Variants in RAI1 observed in about 807,000 individuals in gnomAD.
RAI1 encodes retinoic acid induced 1, also known as retinoic acid-induced protein 1.
RAI1 carries 9 observed loss-of-function variants against 123.8 expected under a neutral mutation model. The ratio of observed to expected loss-of-function variants is 0.07; its 90% CI spans 0.04 to 0.13. RAI1 has a LOEUF of 0.13. Ranked by LOEUF, RAI1 falls within the 10% of genes least tolerant of loss-of-function variation. The pLI, the probability that RAI1 is intolerant of heterozygous loss-of-function variation, is 1.00. For missense variants in RAI1, 2,256 were observed against 2,545.8 expected (o/e 0.89, Z 2.45); for synonymous variants, 1,231 against 1,127.3 (o/e 1.09, Z -1.84).
At chr17:17,790,917 G>GA (rs1341917583) in intron 2 of RAI1, among the ~76,000 whole-genome samples, 1 of 152,218 alleles carries the variant, frequency 6.6e-6, no homozygotes, top group Non-Finnish European at 1.5e-5. Context: ...TGCCAGACCA[G>GA]AACCAAGTGC....
intron 1 of RAI1, among the ~76,000 whole-genome samples, chr17:17,701,930 C>T (rs1915236254): frequency 6.6e-6 from 1 of 152,244 alleles, no homozygotes; most frequent in African/African-American, 2.4e-5. Context: ...CTCTGCCCTC[C>T]AAGGACTCCA....
chr17:17,724,661 C>A (rs1023677647), intron 2 of RAI1, among the ~76,000 whole-genome samples: 1 of 152,130 alleles, frequency 6.6e-6, no homozygotes, highest in African/African-American at 2.4e-5. Flanking sequence ...TCCGCGCGTC[C>A]GATCCTGCTC....
chr17:17,685,452 C>T lies in RAI1; in HGVS notation c.-149+3659C>T, dbSNP rs927610748. 3.9e-5 allele frequency among the ~76,000 whole-genome samples: 6 copies of T among 152,204 alleles called. No individual in the cohort carries two copies. The highest frequency in any genetic ancestry group is 1.4e-4 in the African/African-American group (6 of 41,432). On this transcript the variant is annotated intron_variant, in intron 1 of 5. Coordinates refer to ENST00000353383, the MANE Select transcript of RAI1 (RefSeq NM_030665.4). The surrounding 1 kb of genome is among the most constrained non-coding windows in gnomAD (Gnocchi z 4.0). ...GGCCTTTGAGCAGGTGCTTCAGGCA[C>T]GGCGAGGTAAGAGTGAGAGGAGCAT...
chr17:17,798,377 A>G lies in RAI1; in HGVS notation c.5429A>G (p.Glu1810Gly). ...DKGRKHECSK[E>G]APAEPGGEAQ... ...GGTCGCAAACATGAGTGCAGCAAGG[A>G]GGCTCCGGCAGAGCCCGGCGGGGAG... is the stretch of plus-strand genomic sequence containing the variant. The change falls in exon 3 of 6, where the codon GAG (glutamate) becomes GGG (glycine). Residue 1810 changes from glutamate (E) to glycine (G), a missense_variant. Glu to Gly is a moderately conservative substitution (Grantham distance 98, BLOSUM62 -2). Coordinates refer to ENST00000353383, the MANE Select transcript of RAI1 (RefSeq NM_030665.4). 1 of 1,609,490 alleles carries G rather than the reference A, an allele frequency of 6.2e-7. No individual in the cohort carries two copies. Among genetic ancestry groups the G allele is most frequent in the Non-Finnish European group, 8.5e-7 (1 of 1,178,326 alleles).
chr17:17,710,803 C>A (rs1168229366), intron 1 of RAI1, among the ~76,000 whole-genome samples: 2 of 152,218 alleles, frequency 1.3e-5, no homozygotes, highest in African/African-American at 2.4e-5. Context: ...TAGGTGGGGA[C>A]CTTTGGGGCC....
At chr17:17,765,794 G>C (rs140538710) in intron 2 of RAI1, 1 of 152,358 alleles carries the variant, frequency 6.6e-6, no homozygotes, top group East Asian at 1.9e-4. Flanking sequence ...AGTGCTGATC[G>C]CTCACAGGGG....
chr17:17,804,163 G>A, intron 4 of RAI1: 1 of 428,396 alleles, frequency 2.3e-6, no homozygotes, highest in Non-Finnish European at 4.4e-6. Flanking sequence ...AGGATCTCAG[G>A]CCTCAGAGAG....
chr17:17,767,870 C>G (rs998165720), intron 2 of RAI1, among the ~76,000 whole-genome samples: 16 of 152,062 alleles, frequency 1.1e-4, no homozygotes, highest in African/African-American at 3.1e-4. Flanking sequence ...GGCACTGCCA[C>G]CAAGTACGTA....
intron 2 of RAI1, among the ~76,000 whole-genome samples, chr17:17,733,982 G>A (rs955281538): frequency 3.3e-5 from 5 of 152,132 alleles, no homozygotes; most frequent in Admixed American, 6.5e-5. Flanking sequence ...GTTCTGATTC[G>A]TCTTCCACTG....
intron 1 of RAI1, among the ~76,000 whole-genome samples, chr17:17,718,183 C>T (rs73294153): frequency 0.012 from 1,863 of 152,176 alleles, 41 homozygotes; most frequent in African/African-American, 0.042. Flanking sequence ...AGCCTTCTGC[C>T]GTCACTCCAG....
At chr17:17,737,240 C>T (rs967212225) in intron 2 of RAI1, among the ~76,000 whole-genome samples, 5 of 152,176 alleles carry the variant, frequency 3.3e-5, no homozygotes, top group Non-Finnish European at 7.4e-5. Flanking sequence ...GGTCATAGCT[C>T]AGCCTGGCTG....
At chr17:17,688,850 G>A (rs576722018) in intron 1 of RAI1, among the ~76,000 whole-genome samples, 1 of 152,046 alleles carries the variant, frequency 6.6e-6, no homozygotes, top group Non-Finnish European at 1.5e-5. Flanking sequence ...CGCCTGCCTC[G>A]GCCTCCCAAA....
At chr17:17,717,659 C>T (rs1415109522) in intron 1 of RAI1, among the ~76,000 whole-genome samples, 1 of 152,190 alleles carries the variant, frequency 6.6e-6, no homozygotes, top group African/African-American at 2.4e-5. Context: ...TTCCCCCAGC[C>T]AGCCTCCTGC....
intron 1 of RAI1, among the ~76,000 whole-genome samples, chr17:17,716,958 T>C (rs995143145): frequency 6.6e-6 from 1 of 152,142 alleles, no homozygotes; most frequent in East Asian, 1.9e-4. Context: ...CCCACCAGCG[T>C]TGGGGCTGAG....
intron 2 of RAI1, among the ~76,000 whole-genome samples, chr17:17,780,827 C>CA (rs1334198401): frequency 1.3e-5 from 2 of 152,228 alleles, no homozygotes; most frequent in African/African-American, 4.8e-5. Context: ...TGAGAACCCC[C>CA]ACTCTGTAAT....
chr17:17,731,455 A>G (rs2142949105), intron 2 of RAI1, among the ~76,000 whole-genome samples: 2 of 152,182 alleles, frequency 1.3e-5, no homozygotes, highest in South Asian at 4.2e-4. Context: ...GGGGAGGTGG[A>G]GGCAGGGACT....
At chr17:17,719,585 C>T (rs1158983775) in intron 1 of RAI1, among the ~76,000 whole-genome samples, 1 of 152,202 alleles carries the variant, frequency 6.6e-6, no homozygotes, top group Non-Finnish European at 1.5e-5. Flanking sequence ...TTTTCCATAG[C>T]ACGCTTCACC....
rs1206595606 is a variant in RAI1 at position 17,798,483 on chromosome 17, G to A, written c.5535G>A (p.Leu1845=). 1 of 1,603,452 alleles carries A rather than the reference G, an allele frequency of 6.2e-7. No homozygotes were observed. The highest frequency in any genetic ancestry group is 1.7e-5 in the Admixed American group (1 of 60,022). Residue 1845 remains leucine (L), a synonymous_variant, in exon 3 of 6, where the codon CTG becomes CTA. Coordinates refer to ENST00000353383, the MANE Select transcript of RAI1 (RefSeq NM_030665.4). The part of the protein sequence containing the change: ...VYLVAGKLFG[L]QEAMKVAVDM... ...TGGTGGCCGGGAAGCTCTTTGGGCT[G>A]CAGGAGGCCATGAAGGTGGCCGTGG...
rs1049320806 is a variant in RAI1 at position 17,811,305 on chromosome 17, C to CT, written c.*1326dup. On this transcript the variant is annotated 3_prime_UTR_variant, in exon 6 of 6. Transcript: ENST00000353383. The stretch of plus-strand genomic sequence containing the variant: ...TGTAAATGTTAAGACGACTAGTGTT[C>CT]TTATTAGTATATTGCTTCACACTGA... 35 of 285,946 alleles carry CT rather than the reference C, an allele frequency of 1.2e-4. No homozygotes were observed. Among genetic ancestry groups the CT allele is most frequent in the African/African-American group, 8.1e-4 (34 of 42,218 alleles). 17.7% of individuals were successfully genotyped at this position (285,946 alleles called of 1,614,324 possible). A position where few individuals can be genotyped will look rare whatever the true frequency, so the allele number is the denominator to read the frequency against.
Sources: allele counts gnomAD v4.1 joint callset (sites outside exome capture counted in the v4.1 genomes callset), GRCh38; gene constraint gnomAD v4.1.1; non-coding constraint Gnocchi (gnomAD v3.1); transcripts MANE v1.5; gene names NCBI Gene and HGNC (gene_info 2026-07-23, HGNC 2026-07-21).